Variants in TCF7L1 observed in about 807,000 individuals in gnomAD.
The protein encoded by TCF7L1 is transcription factor 7 like 1, also known as transcription factor 7-like 1.
A neutral mutation model predicts 63.7 loss-of-function variants in TCF7L1; 18 were observed. The ratio of observed to expected loss-of-function variants is 0.28; its 90% CI spans 0.20 to 0.42. TCF7L1 has a LOEUF of 0.42. TCF7L1 is among the 10% of genes least tolerant of loss of function. TCF7L1 has a pLI of 1.00. For missense variants in TCF7L1, 654 were observed against 779.3 expected, an observed-to-expected ratio of 0.84 and a Z score of 1.91; for synonymous variants, 355 against 340.9, an observed-to-expected ratio of 1.04 and a Z score of -0.46.
intron 4 of TCF7L1, among the ~76,000 whole-genome samples, chr2:85,285,030 G>A (rs1681508831): frequency 2.0e-5 from 3 of 152,082 alleles, no homozygotes; most frequent in Admixed American, 6.6e-5. Context: ...TCAGGAGATC[G>A]ATACCATCCT....
chr2:85,284,242 C>A (rs984354464), intron 4 of TCF7L1, among the ~76,000 whole-genome samples: 1 of 152,190 alleles, frequency 6.6e-6, no homozygotes, highest in Non-Finnish European at 1.5e-5. Context: ...GATCTCCTGA[C>A]CTCGTGATCC....
intron 4 of TCF7L1, 86 bp from the exon 5 acceptor site, chr2:85,302,398 T>G: frequency 6.3e-7 from 1 of 1,578,018 alleles, no homozygotes; most frequent in Non-Finnish European, 8.7e-7. Context: ...GGAAAATACC[T>G]GGCACTTACT....
intron 3 of TCF7L1, among the ~76,000 whole-genome samples, chr2:85,153,604 G>A (rs1391402238): frequency 1.3e-5 from 2 of 152,106 alleles, no homozygotes; most frequent in Non-Finnish European, 2.9e-5. Context: ...GCCTCCCAAA[G>A]TCCTGGGATT....
At chr2:85,215,286 A>G (rs1476634661) in intron 3 of TCF7L1, among the ~76,000 whole-genome samples, 1 of 152,272 alleles carries the variant, frequency 6.6e-6, no homozygotes, top group African/African-American at 2.4e-5. Context: ...AGTCCGTAGC[A>G]GGTGATCAAT....
chr2:85,155,442 C>T (rs965875677), intron 3 of TCF7L1, among the ~76,000 whole-genome samples: 7 of 152,176 alleles, frequency 4.6e-5, no homozygotes. Flanking sequence ...CTGTAACGCT[C>T]ACTGTGAAGG....
chr2:85,221,903 T>C (rs897634473), intron 3 of TCF7L1, among the ~76,000 whole-genome samples: 1 of 149,492 alleles, frequency 6.7e-6, no homozygotes, highest in African/African-American at 2.5e-5. Context: ...ATTGACACCA[T>C]GAGGATATGA....
At chr2:85,269,034 G>C (rs1681081150) in intron 3 of TCF7L1, among the ~76,000 whole-genome samples, 1 of 152,130 alleles carries the variant, frequency 6.6e-6, no homozygotes, top group African/African-American at 2.4e-5. Context: ...TGACCCTGCA[G>C]GTACATGAGA....
At chr2:85,280,582 G>A (rs901481359) in intron 3 of TCF7L1, among the ~76,000 whole-genome samples, 1 of 152,192 alleles carries the variant, frequency 6.6e-6, no homozygotes, top group Non-Finnish European at 1.5e-5. Flanking sequence ...GGATTTTTAG[G>A]TACCCATCTA....
chr2:85,137,948 A>C (rs1677634538), intron 3 of TCF7L1, among the ~76,000 whole-genome samples: 1 of 152,114 alleles, frequency 6.6e-6, no homozygotes, highest in African/African-American at 2.4e-5. Context: ...TAGAAAGTGA[A>C]TGCCAAAAAT....
intron 3 of TCF7L1, among the ~76,000 whole-genome samples, chr2:85,185,598 T>G (rs1037827712): frequency 1.3e-5 from 2 of 152,080 alleles, no homozygotes; most frequent in African/African-American, 2.4e-5. Flanking sequence ...GTGGCCCAGC[T>G]CCAGAGAGGG....
chr2:85,152,316 T>G (rs1678035718), intron 3 of TCF7L1, among the ~76,000 whole-genome samples: 1 of 152,232 alleles, frequency 6.6e-6, no homozygotes, highest in Non-Finnish European at 1.5e-5. Flanking sequence ...TTATTGTGTT[T>G]AATGTTATGA....
At chr2:85,230,346 T>C (rs916331140) in intron 3 of TCF7L1, among the ~76,000 whole-genome samples, 7 of 152,216 alleles carry the variant, frequency 4.6e-5, no homozygotes, top group African/African-American at 1.7e-4. Flanking sequence ...GAAACATCTT[T>C]TTTTGAGACA....
intron 4 of TCF7L1, among the ~76,000 whole-genome samples, chr2:85,290,646 G>A (rs56409903): frequency 0.25 from 38,062 of 151,958 alleles, 5,104 homozygotes; most frequent in East Asian, 0.38. Flanking sequence ...AAAGATATAG[G>A]ACAGTTCTGT....
chr2:85,155,573 A>G (rs951367062), intron 3 of TCF7L1, among the ~76,000 whole-genome samples: 4 of 152,206 alleles, frequency 2.6e-5, no homozygotes, highest in East Asian at 1.9e-4. Flanking sequence ...GGTCTATGGA[A>G]CTGCTCTAGT....
intron 4 of TCF7L1, among the ~76,000 whole-genome samples, chr2:85,298,481 CAAAAAAAAAAAAA>C (rs775849544): frequency 4.2e-5 from 3 of 71,044 alleles, no homozygotes; most frequent in African/African-American, 1.2e-4. Context: ...GACTCTGTCT[CAAAAAAAAAAAAA>C]AAAAAAAAGC....
At chr2:85,234,153 T>TTTTTTTTTTTTTTTTTTTTTTTC (rs1558641614) in intron 3 of TCF7L1, among the ~76,000 whole-genome samples, 1 of 134,330 alleles carries the variant, frequency 7.4e-6, no homozygotes, top group Admixed American at 7.4e-5. Flanking sequence ...TTTTTTTTTT[T>TTTTTTTTTTTTTTTTTTTTTTTC]CGAGATGGAG....
intron 4 of TCF7L1, among the ~76,000 whole-genome samples, chr2:85,301,183 G>A (rs575033959): frequency 5.1e-4 from 77 of 152,276 alleles, no homozygotes; most frequent in African/African-American, 1.5e-3. Flanking sequence ...TAAGTTTTAC[G>A]TTTTGAGAAG....
intron 5 of TCF7L1, chr2:85,303,266 G>C (rs1363185261): frequency 6.6e-6 from 1 of 152,038 alleles, no homozygotes; most frequent in Non-Finnish European, 1.5e-5. Flanking sequence ...CAAACTCCTG[G>C]ACTCAAGCAG....
chr2:85,138,679 G>C (rs1247411916), intron 3 of TCF7L1, among the ~76,000 whole-genome samples: 1 of 152,086 alleles, frequency 6.6e-6, no homozygotes, highest in Non-Finnish European at 1.5e-5. Flanking sequence ...GGGTGGATTG[G>C]GCAGGGAATA....
Sources: gnomAD v4.1 joint callset for allele counts (sites outside exome capture counted in the v4.1 genomes callset) on GRCh38, gnomAD v4.1.1 for gene constraint, MANE v1.5 for transcripts, NCBI Gene and HGNC (gene_info 2026-07-23, HGNC 2026-07-21) for gene names.